RNF182: variants seen among roughly 807,000 people sequenced by gnomAD.
RNF182 encodes the protein ring finger protein 182, also known as E3 ubiquitin-protein ligase RNF182.
In RNF182, 15 loss-of-function variants were observed where a neutral mutation model predicts 14.4. The ratio of observed to expected loss-of-function variants is 1.04; its 90% CI spans 0.70 to 1.60. The LOEUF (loss-of-function observed/expected upper bound fraction) is 1.60. Among genes scored for constraint, RNF182 ranks in the 40% most tolerant of loss-of-function variants. RNF182 has a pLI of 0.00. For synonymous variants in RNF182, 128 were observed against 122.9 expected (o/e 1.04, Z -0.27); for missense variants, 268 against 294.8 (o/e 0.91, Z 0.67).
At chr6:13,932,344 ACT>A (rs1758993451) in intron 1 of RNF182, among the ~76,000 whole-genome samples, 2 of 152,162 alleles carry the variant, frequency 1.3e-5, no homozygotes, top group South Asian at 2.1e-4. Context: ...ATATGTTAAT[ACT>A]CTGTTTATAT....
intron 1 of RNF182, among the ~76,000 whole-genome samples, chr6:13,963,682 TC>T (rs1759937647): frequency 6.6e-6 from 1 of 152,156 alleles, no homozygotes; most frequent in Non-Finnish European, 1.5e-5. Context: ...GTCTCAGAAT[TC>T]CAAGAGAGCA....
intron 1 of RNF182, among the ~76,000 whole-genome samples, chr6:13,963,098 T>C (rs1317585225): frequency 6.6e-6 from 1 of 152,246 alleles, no homozygotes; most frequent in Admixed American, 6.5e-5. Flanking sequence ...TTCCCCTTAC[T>C]GTAGTAGAGC....
chr6:13,935,393 A>G (rs951379776), intron 1 of RNF182, among the ~76,000 whole-genome samples: 1 of 152,034 alleles, frequency 6.6e-6, no homozygotes, highest in Admixed American at 6.6e-5. Context: ...TCAATTCAGC[A>G]TTTTCCATAT....
intron 1 of RNF182, among the ~76,000 whole-genome samples, chr6:13,958,074 T>A: frequency 6.6e-6 from 1 of 152,320 alleles, no homozygotes; most frequent in South Asian, 2.1e-4. Context: ...TTAATGTTTA[T>A]AGATTTCTTG....
chr6:13,964,265 T>C (rs1759956481), intron 1 of RNF182, among the ~76,000 whole-genome samples: 1 of 152,148 alleles, frequency 6.6e-6, no homozygotes, highest in Non-Finnish European at 1.5e-5. Flanking sequence ...ATAGAGGAAG[T>C]AAAAAATAAT....
At chr6:13,927,061 G>A (rs1439654055) in intron 1 of RNF182, among the ~76,000 whole-genome samples, 1 of 152,128 alleles carries the variant, frequency 6.6e-6, no homozygotes, top group African/African-American at 2.4e-5. Flanking sequence ...GGCTTCTTCA[G>A]AGCTGCATCA....
intron 1 of RNF182, among the ~76,000 whole-genome samples, chr6:13,953,232 C>T (rs1759640190): frequency 6.6e-6 from 1 of 152,216 alleles, no homozygotes; most frequent in African/African-American, 2.4e-5. Flanking sequence ...AGCCCCTAGG[C>T]AAGAAGGAGT....
chr6:13,935,030 T>C (rs1369533484), intron 1 of RNF182, among the ~76,000 whole-genome samples: 2 of 152,176 alleles, frequency 1.3e-5, no homozygotes, highest in Non-Finnish European at 2.9e-5. Context: ...CTATGTGGAA[T>C]AGGAAGCCAT....
chr6:13,937,110 G>C (rs145806939), intron 1 of RNF182, among the ~76,000 whole-genome samples: 4 of 152,254 alleles, frequency 2.6e-5, no homozygotes, highest in East Asian at 1.9e-4. Flanking sequence ...TACTTGTTTT[G>C]TGTTGTATGT....
At chr6:13,947,953 GA>G (rs1278967900) in intron 1 of RNF182, among the ~76,000 whole-genome samples, 5 of 152,140 alleles carry the variant, frequency 3.3e-5, no homozygotes, top group African/African-American at 1.2e-4. Flanking sequence ...AAATTTGGGA[GA>G]AATCAGGTAG....
intron 1 of RNF182, among the ~76,000 whole-genome samples, chr6:13,962,327 A>G (rs1033743435): frequency 6.6e-6 from 1 of 152,226 alleles, no homozygotes; most frequent in Admixed American, 6.5e-5. Flanking sequence ...ATTGGGTGTC[A>G]GAGAGATGGC....
At chr6:13,966,985 C>T (rs1415052805) in intron 1 of RNF182, among the ~76,000 whole-genome samples, 2 of 151,962 alleles carry the variant, frequency 1.3e-5, no homozygotes, top group African/African-American at 4.8e-5. Flanking sequence ...CACAGGCGTG[C>T]ACCACCACGC....
chr6:13,940,188 CTAAT>C (rs1759254908), intron 1 of RNF182, among the ~76,000 whole-genome samples: 1 of 152,056 alleles, frequency 6.6e-6, no homozygotes, highest in African/African-American at 2.4e-5. Context: ...TCTCTTATTT[CTAAT>C]TAATAGATAT....
chr6:13,953,858 A>G (rs1759661357), intron 1 of RNF182, among the ~76,000 whole-genome samples: 1 of 152,132 alleles, frequency 6.6e-6, no homozygotes, highest in Non-Finnish European at 1.5e-5. Context: ...CATCGCCAGC[A>G]CCTAGCCCAG....
chr6:13,971,310 C>G (rs1446866551), intron 1 of RNF182, among the ~76,000 whole-genome samples: 1 of 152,130 alleles, frequency 6.6e-6, no homozygotes, highest in Non-Finnish European at 1.5e-5. Context: ...ACTTGGCATT[C>G]ATTCTCTCTT....
intron 1 of RNF182, among the ~76,000 whole-genome samples, chr6:13,965,059 C>T (rs935006534): frequency 2.0e-5 from 3 of 152,162 alleles, no homozygotes; most frequent in African/African-American, 7.2e-5. Context: ...TGAGAACAGA[C>T]AGAACTCACG....
chr6:13,962,201 A>G (rs1200706222), intron 1 of RNF182, among the ~76,000 whole-genome samples: 1 of 152,174 alleles, frequency 6.6e-6, no homozygotes, highest in Non-Finnish European at 1.5e-5. Context: ...CTGAATCTCT[A>G]GGTGGAAAAA....
intron 1 of RNF182, among the ~76,000 whole-genome samples, chr6:13,928,441 T>A (rs1758884595): frequency 1.3e-5 from 2 of 152,262 alleles, no homozygotes; most frequent in East Asian, 3.8e-4. Context: ...TAATTCTTAA[T>A]GTATGATACC....
chr6:13,925,640 A>G (rs1253444031), intron 1 of RNF182, among the ~76,000 whole-genome samples: 1 of 152,206 alleles, frequency 6.6e-6, no homozygotes, highest in African/African-American at 2.4e-5. Flanking sequence ...ACCAGAATGT[A>G]GAGCAGTACC....
Sources: allele counts gnomAD v4.1 joint callset (sites outside exome capture counted in the v4.1 genomes callset), GRCh38; gene constraint gnomAD v4.1.1; transcripts MANE v1.5; gene names NCBI Gene and HGNC (gene_info 2026-07-23, HGNC 2026-07-21).